The following ACSM6 variants were observed in gnomAD, a reference collection of about 807,000 sequenced individuals.
ACSM6 encodes the protein acyl-coenzyme A synthetase ACSM6, mitochondrial.
ACSM6 carries 35 observed loss-of-function variants against 51.1 expected under a neutral mutation model. The observed-to-expected ratio is 0.69, with a 90% confidence interval of 0.52 to 0.91. The LOEUF (loss-of-function observed/expected upper bound fraction) is 0.91. Among genes scored for constraint, ACSM6 ranks in the 40% least tolerant of loss-of-function variants. The pLI is 0.00. For missense variants in ACSM6, 509 were observed against 584.1 expected (o/e 0.87, Z 1.32); for synonymous variants, 172 against 207.3 (o/e 0.83, Z 1.46).
chr10:95,210,746 C>T (rs527856175), exon 5 of ACSM6: 19 of 1,613,936 alleles, frequency 1.2e-5, no homozygotes, highest in African/African-American at 2.7e-5. Flanking sequence ...CCAAAATGGT[C>T]GAGTATTCCC....
chr10:95,215,948 G>C (rs1467122253), intron 8 of ACSM6, among the ~76,000 whole-genome samples: 2 of 152,128 alleles, frequency 1.3e-5, no homozygotes, highest in South Asian at 4.1e-4. Flanking sequence ...TTTAAAGAGA[G>C]GCAGGGTCTT....
chr10:95,212,091 CAA>C (rs2034899025), intron 6 of ACSM6, 57 bp downstream of exon 6: 5 of 1,599,068 alleles, frequency 3.1e-6, no homozygotes, highest in Non-Finnish European at 4.3e-6. Flanking sequence ...GAGGCATTAG[CAA>C]TGACCCAGTG....
At chr10:95,207,209 A>C in exon 4 of ACSM6, 4 of 1,614,026 alleles carry the variant, frequency 2.5e-6, no homozygotes, top group Non-Finnish European at 3.4e-6. Context: ...TTTTTTCAGG[A>C]ATCACCTTTG....
At chr10:95,219,756 T>G (rs1231924359) in intron 8 of ACSM6, 135 bp from the exon 9 acceptor site, 3 of 621,940 alleles carry the variant, frequency 4.8e-6, no homozygotes. Flanking sequence ...TTGATTTTTT[T>G]TTAATCAAGA....
chr10:95,214,377 CTACTA>C (rs904139064), intron 7 of ACSM6, among the ~76,000 whole-genome samples: 1 of 108,840 alleles, frequency 9.2e-6, no homozygotes, highest in African/African-American at 3.4e-5. Context: ...AAAATGCTCA[CTACTA>C]TTCTATTGTT....
intron 10 of ACSM6, 36 bp from the exon 11 acceptor site, chr10:95,228,608 A>G: frequency 6.5e-7 from 1 of 1,540,888 alleles, no homozygotes; most frequent in Non-Finnish European, 8.8e-7. Context: ...GTGAGAGGGA[A>G]GTAAATGTAG....
At chr10:95,220,109 T>G (rs948117549) in intron 9 of ACSM6, 138 bp downstream of exon 9, 4 of 660,826 alleles carry the variant, frequency 6.1e-6, no homozygotes, top group South Asian at 2.0e-5. Context: ...AATCTCACAT[T>G]ATTGCTTTTA....
intron 2 of ACSM6, 190 bp from the exon 3 acceptor site, chr10:95,201,795 C>T (rs1316079207): frequency 1.3e-5 from 8 of 613,332 alleles, no homozygotes; most frequent in African/African-American, 1.8e-5. Context: ...ATGTTGAAAC[C>T]TACCAGTACT....
In ACSM6 at chr10:95,211,933, G is replaced by A. The variant is rs1057013717; in HGVS notation, c.811G>A (p.Gly271Ser). ...CTTGTGGAGTCTGGGTGATGCCTTT[G>A]GTGGATCTTTATCCCTGAGCGCTGT... The change falls in exon 6 of 11, where the codon GGT becomes AGT. Residue 271 changes from glycine to serine, a missense_variant. Physicochemically the swap from Gly to Ser is moderately conservative, Grantham distance 56. Transcript: ENST00000341686. 6 of 1,613,704 alleles carry A rather than the reference G, an allele frequency of 3.7e-6. No homozygotes were observed. The Admixed American group carries it at 8.3e-5, about 22-fold the overall frequency.
intron 7 of ACSM6, among the ~76,000 whole-genome samples, chr10:95,213,169 G>A (rs79270098): frequency 6.6e-6 from 1 of 152,012 alleles, no homozygotes; most frequent in South Asian, 2.1e-4. Flanking sequence ...TTAGAAGGTT[G>A]AGTTTGTTAA....
At chr10:95,198,613 T>C (rs1027654071) in intron 2 of ACSM6, among the ~76,000 whole-genome samples, 16 of 149,900 alleles carry the variant, frequency 1.1e-4, no homozygotes, top group Admixed American at 2.7e-4. Context: ...ATCATGCCAC[T>C]GCACTCCAGC....
intron 4 of ACSM6, 37 bp downstream of exon 4, chr10:95,207,452 G>A (rs1486104628): frequency 1.9e-6 from 3 of 1,588,968 alleles, no homozygotes; most frequent in East Asian, 4.5e-5. Context: ...TTAAATGAAG[G>A]AAATGTTTGA....
chr10:95,226,033 A>G (rs1589499525), intron 10 of ACSM6: 2 of 152,244 alleles, frequency 1.3e-5, no homozygotes, highest in East Asian at 1.9e-4. Flanking sequence ...GATGATGTAT[A>G]TTTCTTATTT....
intron 8 of ACSM6, among the ~76,000 whole-genome samples, chr10:95,217,325 G>A (rs1415687883): frequency 6.7e-6 from 1 of 149,808 alleles, no homozygotes; most frequent in Non-Finnish European, 1.5e-5. Context: ...TCCAGCCTGG[G>A]GACAGAGTGA....
At chr10:95,216,815 G>A (rs1255095521) in intron 8 of ACSM6, among the ~76,000 whole-genome samples, 1 of 152,216 alleles carries the variant, frequency 6.6e-6, no homozygotes, top group Non-Finnish European at 1.5e-5. Flanking sequence ...AGATGTGGAT[G>A]TAGAATAGTT....
intron 6 of ACSM6, 80 bp from the exon 7 acceptor site, chr10:95,212,778 C>A: frequency 8.8e-7 from 1 of 1,139,940 alleles, no homozygotes; most frequent in Non-Finnish European, 1.3e-6. Flanking sequence ...CCTGGACTTT[C>A]CCGCCTGGAC....
chr10:95,210,793 G>C (rs1422238213), exon 5 of ACSM6: 2 of 1,613,378 alleles, frequency 1.2e-6, no homozygotes, highest in Non-Finnish European at 1.7e-6. Context: ...CAGGCTTCCA[G>C]GTACGGTTCT....
chr10:95,219,369 T>TA (rs151297957), intron 8 of ACSM6, among the ~76,000 whole-genome samples: 12,181 of 152,072 alleles, frequency 0.08, 603 homozygotes, highest in Middle Eastern at 0.24. Flanking sequence ...TTAGTATATT[T>TA]AAAAAAAAGG....
intron 8 of ACSM6, among the ~76,000 whole-genome samples, chr10:95,217,506 ATG>A: frequency 7.0e-6 from 1 of 141,854 alleles, no homozygotes; most frequent in Admixed American, 7.1e-5. Flanking sequence ...TTCAAATAGC[ATG>A]GGAGAAATAA....
Sources: allele counts gnomAD v4.1 joint callset (sites outside exome capture counted in the v4.1 genomes callset), GRCh38; gene constraint gnomAD v4.1.1; transcripts MANE v1.5; gene names NCBI Gene and HGNC (gene_info 2026-07-23, HGNC 2026-07-21).